KIAA0513: variants seen among roughly 807,000 people sequenced by gnomAD.
The protein encoded by KIAA0513 is uncharacterized protein KIAA0513.
Under a neutral mutation model 56.5 loss-of-function variants are expected in KIAA0513, and 39 were observed. The observed-to-expected ratio is 0.69, with a 90% confidence interval of 0.53 to 0.90. The LOEUF is 0.90. Ranked by LOEUF, KIAA0513 falls within the 40% of genes least tolerant of loss-of-function variation. The pLI is 0.00. For missense variants in KIAA0513, 591 were observed against 535.2 expected (o/e 1.10, Z -1.03); for synonymous variants, 268 against 215.6 (o/e 1.24, Z -2.13).
At chr16:85,036,857 G>A (rs894911316) in intron 1 of KIAA0513, among the ~76,000 whole-genome samples, 3 of 152,170 alleles carry the variant, frequency 2.0e-5, no homozygotes, top group African/African-American at 7.2e-5. Context: ...CAGAAGGAAA[G>A]CCATGCAGCG....
intron 1 of KIAA0513, among the ~76,000 whole-genome samples, chr16:85,063,949 A>G (rs955000591): frequency 6.6e-6 from 1 of 150,674 alleles, no homozygotes; most frequent in African/African-American, 2.4e-5. Context: ...TCATACACTG[A>G]TCACTACTGC....
chr16:85,028,512 C>T (rs1195164253), intron 1 of KIAA0513, among the ~76,000 whole-genome samples: 1 of 152,042 alleles, frequency 6.6e-6, no homozygotes, highest in Non-Finnish European at 1.5e-5. Context: ...AATGGAAATG[C>T]GGTTTTAGCA....
chr16:85,065,823 C>T (rs1027518911), intron 1 of KIAA0513, among the ~76,000 whole-genome samples: 2 of 152,156 alleles, frequency 1.3e-5, no homozygotes, highest in South Asian at 4.1e-4. Flanking sequence ...TTCCCCAGTA[C>T]CTTCTAAACC....
rs574738275 is a variant in KIAA0513 at position 85,058,014 on chromosome 16, G to A, written c.-172-8886G>A. On this transcript the variant is annotated intron_variant, in intron 1 of 12. Coordinates refer to ENST00000683363, the MANE Select transcript of KIAA0513 (RefSeq NM_001388359.1). Reference sequence around the variant, plus strand: ...TGGCTAAGATGCTGCTGCTGTCTGTGTCTGAGGGAATAAAGCCAGGCTCTT... The same window carrying A: ...TGGCTAAGATGCTGCTGCTGTCTGTATCTGAGGGAATAAAGCCAGGCTCTT... 1.9e-4 allele frequency among the ~76,000 whole-genome samples: 29 copies of A among 152,318 alleles called. No individual in the cohort carries two copies. In the East Asian group the frequency reaches 5.2e-3, roughly 27 times the overall value.
At chr16:85,037,824 C>G (rs1459078478) in intron 1 of KIAA0513, among the ~76,000 whole-genome samples, 2 of 152,166 alleles carry the variant, frequency 1.3e-5, no homozygotes, top group Non-Finnish European at 2.9e-5. Flanking sequence ...GAAGTAGCAT[C>G]TCTCACGTCC....
rs55711779 is a variant in KIAA0513, at chr16:85,088,669, C to T, written c.*344C>T. The T allele has an allele frequency of 0.26, 66,221 of 250,062 alleles. 9,329 individuals are homozygous for T. The highest frequency in any genetic ancestry group is 0.33 in the Middle Eastern group (266 of 802). The allele number at this position is 250,062 out of a possible 1,614,324, so 15.5% of individuals were successfully genotyped here. On this transcript the variant is annotated 3_prime_UTR_variant, in exon 13 of 13. Transcript: ENST00000683363. ...GGCCAAGGGCTGGCGAGGGTGGGGG[C>T]GGGCAAGGGATGCAGGCAGGACAGC... is the stretch of plus-strand genomic sequence containing the variant.
intron 1 of KIAA0513, among the ~76,000 whole-genome samples, chr16:85,059,722 T>C (rs752000127): frequency 1.8e-4 from 27 of 152,200 alleles, no homozygotes; most frequent in Non-Finnish European, 3.4e-4. Flanking sequence ...GGGTCATTGA[T>C]TTCTCCTCTG....
At chr16:85,045,380 C>T (rs1423753966) in intron 1 of KIAA0513, among the ~76,000 whole-genome samples, 2 of 152,054 alleles carry the variant, frequency 1.3e-5, no homozygotes, top group East Asian at 3.9e-4. Context: ...TTGTTTGTGA[C>T]AGTCTTGCTC....
chr16:85,059,058 A>C (rs1216258869), intron 1 of KIAA0513, among the ~76,000 whole-genome samples: 4 of 152,232 alleles, frequency 2.6e-5, no homozygotes, highest in Non-Finnish European at 5.9e-5. Context: ...ATTTAGACAC[A>C]CACATCTAAA....
At chr16:85,074,210 A>G (rs1225477729) in intron 4 of KIAA0513, among the ~76,000 whole-genome samples, 1 of 151,984 alleles carries the variant, frequency 6.6e-6, no homozygotes, top group Non-Finnish European at 1.5e-5. Flanking sequence ...CCTGACCTCA[A>G]GTGATTCACT....
chr16:85,087,128 T>C lies in KIAA0513; in HGVS notation c.1148T>C (p.Phe383Ser). The change falls in exon 12 of 13, where the codon TTC (phenylalanine) becomes TCC (serine). Residue 383 changes from phenylalanine (F) to serine (S), a missense_variant. Transcript: ENST00000683363. ...CTGAACAAGAAGCTGTGCAATGACT[T>C]CCTGAAGAAGCAGGCTGTGATTGGC... ...FGLNKKLCND[F>S]LKKQAVIGNL... 6.2e-7 allele frequency: 1 copy of C among 1,614,170 alleles called. No individual in the cohort carries two copies. Among genetic ancestry groups the C allele is most frequent in the Non-Finnish European group, 8.5e-7 (1 of 1,180,006 alleles).
intron 4 of KIAA0513, among the ~76,000 whole-genome samples, chr16:85,074,895 T>G (rs1264043634): frequency 1.3e-5 from 2 of 152,156 alleles, no homozygotes; most frequent in East Asian, 1.9e-4. Context: ...TGCACTAGGC[T>G]AAAAGTAATT....
chr16:85,035,529 C>G (rs941544511), intron 1 of KIAA0513, among the ~76,000 whole-genome samples: 1 of 152,202 alleles, frequency 6.6e-6, no homozygotes, highest in African/African-American at 2.4e-5. Flanking sequence ...CTTGCTCAGT[C>G]GTCCAGGCTG....
chr16:85,049,008 T>G (rs1410220592), intron 1 of KIAA0513, among the ~76,000 whole-genome samples: 1 of 152,114 alleles, frequency 6.6e-6, no homozygotes, highest in Non-Finnish European at 1.5e-5. Flanking sequence ...GCGGCCTGAT[T>G]AGGGCAGAAG....
At chr16:85,070,222 C>T (rs2073552945) in intron 2 of KIAA0513, among the ~76,000 whole-genome samples, 1 of 151,654 alleles carries the variant, frequency 6.6e-6, no homozygotes, top group African/African-American at 2.4e-5. Context: ...TCTGCAGAGT[C>T]CATTGTTTCC....
intron 1 of KIAA0513, among the ~76,000 whole-genome samples, chr16:85,065,197 G>C (rs887540069): frequency 1.3e-5 from 2 of 152,210 alleles, no homozygotes; most frequent in African/African-American, 4.8e-5. Context: ...TCTTTGGTGA[G>C]TGAGAATGCG....
intron 6 of KIAA0513, among the ~76,000 whole-genome samples, chr16:85,077,853 C>A (rs2073681801): frequency 6.6e-6 from 1 of 152,332 alleles, no homozygotes; most frequent in Non-Finnish European, 1.5e-5. Flanking sequence ...CTCCCTGGGA[C>A]TGATGAGGAG....
At chr16:85,074,073 C>T (rs2073619630) in intron 4 of KIAA0513, among the ~76,000 whole-genome samples, 1 of 152,080 alleles carries the variant, frequency 6.6e-6, no homozygotes, top group African/African-American at 2.4e-5. Context: ...CTCCCGGTTT[C>T]AAGCAATTCT....
At chr16:85,035,523 C>T (rs1044542489) in intron 1 of KIAA0513, among the ~76,000 whole-genome samples, 1 of 152,212 alleles carries the variant, frequency 6.6e-6, no homozygotes, top group African/African-American at 2.4e-5. Context: ...TGAGATCTTG[C>T]TCAGTCGTCC....
Sources: allele counts gnomAD v4.1 joint callset (sites outside exome capture counted in the v4.1 genomes callset), GRCh38; gene constraint gnomAD v4.1.1; transcripts MANE v1.5; gene names NCBI Gene and HGNC (gene_info 2026-07-23, HGNC 2026-07-21).